NDRG1: variants seen among roughly 807,000 people sequenced by gnomAD.
The protein encoded by NDRG1 is protein NDRG1.
Under a neutral mutation model 56.9 loss-of-function variants are expected in NDRG1, and 32 were observed. The ratio of observed to expected loss-of-function variants is 0.56; its 90% CI spans 0.42 to 0.76. NDRG1 has a LOEUF of 0.76. NDRG1 is among the 30% of genes least tolerant of loss of function. NDRG1 has a pLI of 0.00. For missense variants in NDRG1, 507 were observed against 545.7 expected (o/e 0.93, Z 0.71); for synonymous variants, 211 against 204.1 (o/e 1.03, Z -0.29).
At chr8:133,253,851 A>G (rs1165021453) in intron 9 of NDRG1, among the ~76,000 whole-genome samples, 1 of 151,872 alleles carries the variant, frequency 6.6e-6, no homozygotes, top group African/African-American at 2.4e-5. Flanking sequence ...GGCATGCAGA[A>G]CCACCATGCC....
intron 9 of NDRG1, among the ~76,000 whole-genome samples, chr8:133,250,997 ACT>A (rs1855997591): frequency 6.6e-6 from 1 of 151,958 alleles, no homozygotes; most frequent in African/African-American, 2.4e-5. Context: ...TCTCACCTCT[ACT>A]AACAGTAAAA....
chr8:133,259,012 G>C (rs1856527669), intron 6 of NDRG1, 156 bp downstream of exon 6: 1 of 784,234 alleles, frequency 1.3e-6, no homozygotes, highest in Non-Finnish European at 2.3e-6. Flanking sequence ...ACTGTGTGAA[G>C]AACAGTGTTC....
At chr8:133,286,456 C>A (rs540743096) in intron 1 of NDRG1, among the ~76,000 whole-genome samples, 1 of 152,334 alleles carries the variant, frequency 6.6e-6, no homozygotes, top group Admixed American at 6.5e-5. Context: ...TGTCCACCTT[C>A]CCCGTTTCCT....
At chr8:133,254,682 G>A (rs1856273093) in intron 8 of NDRG1, 87 bp from the exon 9 acceptor site, 5 of 1,385,716 alleles carry the variant, frequency 3.6e-6, no homozygotes, top group South Asian at 2.5e-5. Context: ...CTGGGTGCAG[G>A]GTGGCATTGC....
At chr8:133,258,324 G>A (rs1277741463) in intron 7 of NDRG1, 42 bp downstream of exon 7, 2 of 1,571,224 alleles carry the variant, frequency 1.3e-6, no homozygotes, top group Admixed American at 3.6e-5. Context: ...ATCTTAAAAT[G>A]TTATTTAAAA....
At chr8:133,291,802 G>A (rs191180142) in intron 1 of NDRG1, among the ~76,000 whole-genome samples, 51 of 152,294 alleles carry the variant, frequency 3.3e-4, no homozygotes, top group African/African-American at 1.1e-3. Context: ...CTAAGAAGGT[G>A]AACCCCACTG....
intron 2 of NDRG1, 88 bp from the exon 3 acceptor site, chr8:133,280,355 G>C: frequency 7.9e-7 from 1 of 1,258,344 alleles, no homozygotes; most frequent in Non-Finnish European, 1.2e-6. Flanking sequence ...TCTATGACCT[G>C]AATCTGTACC....
rs1354817299 is a variant in NDRG1, at chr8:133,237,423, C to T, written c.*1455G>A. On this transcript the variant is annotated 3_prime_UTR_variant, in exon 16 of 16. Transcript: ENST00000323851. ...CCAACTGCGGGGTCCCAGAAATCCT[C>T]GGGTCCCAGTGGCTGACTTACAATA... 2 of 232,228 alleles carry T rather than the reference C, an allele frequency of 8.6e-6. No individual in the cohort carries two copies. The highest frequency in any genetic ancestry group is 1.3e-3 in the Middle Eastern group (1 of 778). 14.4% of individuals were successfully genotyped at this position (232,228 alleles called of 1,614,324 possible).
rs1330639454 is a variant in NDRG1 at position 133,250,430 on chromosome 8, A to G, written c.698+10T>C. 2.5e-6 allele frequency: 4 copies of G among 1,609,338 alleles called. No homozygotes were observed. The South Asian group carries it at 4.4e-5, about 18-fold the overall frequency. On this transcript the variant is annotated intron_variant, in intron 10 of 15. Coordinates refer to ENST00000323851, the MANE Select transcript of NDRG1 (RefSeq NM_006096.4). Reference sequence around the variant, plus strand: ...AATAGCAATGATGTGGCTGAACTACATCCCAATACCTGTTGTAGGCATTGA... The same window carrying G: ...AATAGCAATGATGTGGCTGAACTACGTCCCAATACCTGTTGTAGGCATTGA...
At chr8:133,259,404 C>CGA (rs1554591476) in intron 5 of NDRG1, 174 bp from the exon 6 acceptor site, 2 of 671,736 alleles carry the variant, frequency 3.0e-6, no homozygotes, top group Non-Finnish European at 5.4e-6. Flanking sequence ...GCAGCACACT[C>CGA]TATCAATTGC....
At chr8:133,284,767 C>T (rs1858009711) in intron 1 of NDRG1, 1 of 458,262 alleles carries the variant, frequency 2.2e-6, no homozygotes, top group Non-Finnish European at 4.4e-6. Context: ...CACGTATAGG[C>T]ATAGTGCAAG....
intron 1 of NDRG1, among the ~76,000 whole-genome samples, chr8:133,291,240 T>C (rs915695800): frequency 4.6e-5 from 7 of 152,222 alleles, no homozygotes; most frequent in African/African-American, 1.7e-4. Context: ...CTCCAGCACA[T>C]TGTGCTCTTT....
chr8:133,284,948 C>A, intron 1 of NDRG1: 1 of 434,724 alleles, frequency 2.3e-6, no homozygotes, highest in South Asian at 1.6e-5. Context: ...GTTTGGCAGG[C>A]ATTTGAACGC....
At chr8:133,289,675 C>G (rs1451488105) in intron 1 of NDRG1, among the ~76,000 whole-genome samples, 1 of 152,156 alleles carries the variant, frequency 6.6e-6, no homozygotes, top group African/African-American at 2.4e-5. Context: ...GAACGTGACC[C>G]GTGACCCTGG....
chr8:133,261,429 C>T (rs1856655036), intron 5 of NDRG1, among the ~76,000 whole-genome samples: 1 of 152,196 alleles, frequency 6.6e-6, no homozygotes, highest in African/African-American at 2.4e-5. Flanking sequence ...CCATGCCCGG[C>T]CTCAGCTGTG....
intron 11 of NDRG1, 73 bp from the exon 12 acceptor site, chr8:133,247,999 G>A (rs1855788497): frequency 5.0e-6 from 7 of 1,411,666 alleles, no homozygotes; most frequent in Middle Eastern, 2.2e-4. Context: ...GGCCTGCCAG[G>A]CTGGGGCCTG....
chr8:133,246,035 C>A (rs777774487), intron 13 of NDRG1, among the ~76,000 whole-genome samples: 1 of 152,244 alleles, frequency 6.6e-6, no homozygotes, highest in Admixed American at 6.5e-5. Flanking sequence ...TGGTCATCTG[C>A]CCCTGCAGGG....
chr8:133,281,076 G>C (rs1454354036), intron 2 of NDRG1: 1 of 152,242 alleles, frequency 6.6e-6, no homozygotes, highest in Non-Finnish European at 1.5e-5. Flanking sequence ...TGAGTTTCAG[G>C]CTGGGTGCTG....
At chr8:133,277,944 C>T (rs1284422358) in intron 3 of NDRG1, among the ~76,000 whole-genome samples, 1 of 152,184 alleles carries the variant, frequency 6.6e-6, no homozygotes, top group East Asian at 1.9e-4. Flanking sequence ...GGGGCTTGCG[C>T]TTCACTCTTC....
Sources: gnomAD v4.1 joint callset for allele counts (sites outside exome capture counted in the v4.1 genomes callset) on GRCh38, gnomAD v4.1.1 for gene constraint, MANE v1.5 for transcripts, NCBI Gene and HGNC (gene_info 2026-07-23, HGNC 2026-07-21) for gene names.